Variants in CAND2 observed in about 807,000 individuals in gnomAD.
CAND2 encodes cullin associated and neddylation dissociated 2 (putative), also known as cullin-associated NEDD8-dissociated protein 2.
CAND2 carries 62 observed loss-of-function variants against 98.9 expected under a neutral mutation model. The ratio of observed to expected loss-of-function variants is 0.63; its 90% CI spans 0.51 to 0.77. The LOEUF (loss-of-function observed/expected upper bound fraction) is 0.77. Among genes scored for constraint, CAND2 ranks in the 30% least tolerant of loss-of-function variants. The pLI is 0.00. For synonymous variants in CAND2, 770 were observed against 731.9 expected (o/e 1.05, Z -0.84); for missense variants, 1,501 against 1,655.2 (o/e 0.91, Z 1.62).
chr3:12,812,959 CT>C (rs1229178705), intron 5 of CAND2, 30 bp from the exon 6 acceptor site: 1 of 1,417,488 alleles, frequency 7.1e-7, no homozygotes, highest in Non-Finnish European at 9.8e-7. Context: ...GAGTGTCTGG[CT>C]TGGGTTCAGT....
intron 10 of CAND2, among the ~76,000 whole-genome samples, chr3:12,819,885 C>T (rs1047590509): frequency 2.0e-5 from 3 of 152,166 alleles, no homozygotes; most frequent in Non-Finnish European, 4.4e-5. Flanking sequence ...GGCAGTCCTA[C>T]TGTTTCAGCT....
rs530843323 is a variant in CAND2, at chr3:12,814,686, C to T, written c.1007-455C>T. ...AACATCACATAGCCAAACCTGATGCCAAAAGATGAGTTTTGTGCCCCAAAT... is the reference window on the plus strand; with the variant it reads ...AACATCACATAGCCAAACCTGATGCTAAAAGATGAGTTTTGTGCCCCAAAT... On this transcript the variant is annotated intron_variant, in intron 7 of 14. Coordinates refer to ENST00000456430, the MANE Select transcript of CAND2 (RefSeq NM_001162499.2). Among the ~76,000 whole-genome samples, 3 of 152,200 alleles carry T rather than the reference C, an allele frequency of 2.0e-5. No homozygotes were observed. The South Asian group carries it at 6.2e-4, about 32-fold the overall frequency.
chr3:12,812,481 T>C (rs1358281385), intron 5 of CAND2, among the ~76,000 whole-genome samples: 1 of 134,794 alleles, frequency 7.4e-6, no homozygotes, highest in Non-Finnish European at 1.5e-5. Flanking sequence ...CTCGGCTCAC[T>C]GCAAGCTCCG....
At chr3:12,806,643 C>T (rs901432081) in intron 2 of CAND2, among the ~76,000 whole-genome samples, 1 of 152,212 alleles carries the variant, frequency 6.6e-6, no homozygotes, top group Non-Finnish European at 1.5e-5. Flanking sequence ...TTTTTAGAGG[C>T]CCAGGTGATG....
intron 1 of CAND2, among the ~76,000 whole-genome samples, chr3:12,800,544 C>T (rs572460043): frequency 1.1e-4 from 17 of 152,252 alleles, no homozygotes; most frequent in African/African-American, 1.4e-4. Flanking sequence ...CCTGAGACTC[C>T]GCTCTCACAT....
rs12631514 is a variant in CAND2 at position 12,796,794 on chromosome 3, G to C, written c.68+6G>C. On this transcript the variant is annotated splice_donor_region_variant and intron_variant, in intron 1 of 14. Coordinates refer to ENST00000456430, the MANE Select transcript of CAND2 (RefSeq NM_001162499.2). The stretch of plus-strand genomic sequence containing the variant: ...TCCAGCGACAAGGACTTCAGGTGCA[G>C]CCCGCCGCCGGCCCCCTTCTCTCCT... The C allele has an allele frequency of 0.51, 801,321 of 1,572,288 alleles. 208,726 individuals are homozygous for C. Among genetic ancestry groups the C allele is most frequent in the Non-Finnish European group, 0.54 (624,828 of 1,157,478 alleles).
At chr3:12,821,710 A>G in intron 11 of CAND2, among the ~76,000 whole-genome samples, 1 of 152,170 alleles carries the variant, frequency 6.6e-6, no homozygotes, top group East Asian at 1.9e-4. Flanking sequence ...ATCAGGCACC[A>G]CACTAGGCCC....
intron 13 of CAND2, among the ~76,000 whole-genome samples, chr3:12,828,569 T>C (rs1005352725): frequency 5.3e-5 from 8 of 152,160 alleles, no homozygotes; most frequent in African/African-American, 1.7e-4. Context: ...CTCGAACTCC[T>C]GACCTCAAGT....
chr3:12,818,981 A>G (rs1011297040), intron 10 of CAND2, among the ~76,000 whole-genome samples: 4 of 152,106 alleles, frequency 2.6e-5, no homozygotes, highest in East Asian at 1.9e-4. Flanking sequence ...ACCCGGTCAC[A>G]TTTCCTTTTT....
At position 12,833,369 on chromosome 3, in the gene CAND2, A is replaced by G. The variant is rs189434319; in HGVS notation, c.3484-386A>G. ...TCGCAGTGATCCATTCATTCAGTCT[A>G]GTCATATGGTGCTAAGAGCTGGTTT... On this transcript the variant is annotated intron_variant, in intron 14 of 14. Coordinates refer to ENST00000456430, the MANE Select transcript of CAND2 (RefSeq NM_001162499.2). Among the ~76,000 whole-genome samples, 18 of 152,308 alleles carry G rather than the reference A, an allele frequency of 1.2e-4. No homozygotes were observed. The East Asian group carries it at 2.5e-3, about 21-fold the overall frequency.
chr3:12,802,704 T>C (rs1248599533), intron 1 of CAND2, among the ~76,000 whole-genome samples: 2 of 152,336 alleles, frequency 1.3e-5, no homozygotes, highest in South Asian at 2.1e-4. Context: ...TCCACCATCA[T>C]GTGGCACTTA....
chr3:12,822,424 C>T (rs550160563), intron 11 of CAND2, among the ~76,000 whole-genome samples: 2 of 151,752 alleles, frequency 1.3e-5, no homozygotes, highest in South Asian at 2.1e-4. Context: ...TCCCAAGTAG[C>T]TGGGATTACA....
At chr3:12,810,360 G>C in intron 5 of CAND2, 36 bp downstream of exon 5, 3 of 1,401,862 alleles carry the variant, frequency 2.1e-6, no homozygotes, top group Middle Eastern at 2.6e-4. Context: ...GGCTGGCATG[G>C]TGGGCGGAGC....
At chr3:12,819,369 T>G (rs958419507) in intron 10 of CAND2, among the ~76,000 whole-genome samples, 5 of 152,136 alleles carry the variant, frequency 3.3e-5, no homozygotes, top group African/African-American at 1.2e-4. Flanking sequence ...GTGCTGGGGT[T>G]GGGCAGGGAG....
chr3:12,808,956 C>A (rs1246388959), intron 4 of CAND2, among the ~76,000 whole-genome samples: 1 of 152,044 alleles, frequency 6.6e-6, no homozygotes, highest in South Asian at 2.1e-4. Flanking sequence ...GGCCAGGAGC[C>A]ATGGGGCAGG....
Position 12,817,076 on chromosome 3 carries a change from T to C in CAND2, c.2144T>C (p.Val715Ala), listed in dbSNP as rs577324477. ...GACATGCATGTGGCCCAGCTGGCTG[T>C]GGACTTCCTTGCCACAGTGACCCAG... is the stretch of plus-strand genomic sequence containing the variant. ...ESDMHVAQLA[V>A]DFLATVTQAQ... Residue 715 changes from valine to alanine, a missense_variant, in exon 10 of 15, where the codon GTG becomes GCG. Physicochemically the swap from Val to Ala is moderately conservative, Grantham distance 64. Coordinates refer to ENST00000456430, the MANE Select transcript of CAND2 (RefSeq NM_001162499.2). The C allele has an allele frequency of 6.8e-6, 11 of 1,612,914 alleles. No individual in the cohort carries two copies. In the East Asian group the frequency reaches 2.5e-4, roughly 36 times the overall value.
intron 14 of CAND2, 41 bp downstream of exon 14, chr3:12,831,613 C>G: frequency 7.3e-7 from 1 of 1,368,472 alleles, no homozygotes; most frequent in African/African-American, 1.4e-5. Context: ...CCTGGAGCAC[C>G]TATGGAGTCC....
chr3:12,809,030 T>C (rs2061829324), intron 4 of CAND2, among the ~76,000 whole-genome samples: 1 of 152,070 alleles, frequency 6.6e-6, no homozygotes, highest in Non-Finnish European at 1.5e-5. Context: ...TGGGAGGGGA[T>C]TGAACAGGCA....
In CAND2 at chr3:12,831,468, C is replaced by T; in HGVS notation, c.3379C>T (p.Leu1127=). 6.2e-7 allele frequency: 1 copy of T among 1,613,538 alleles called. No individual in the cohort carries two copies. The highest frequency in any genetic ancestry group is 8.5e-7 in the Non-Finnish European group (1 of 1,179,524). ...GLKDHYDIRM[L]TFIMVARLAT... The stretch of plus-strand genomic sequence containing the variant: ...ACCATCTCCTTCCTCTGGGCAGATG[C>T]TGACCTTCATCATGGTTGCCCGGCT... Residue 1127 remains leucine (L), a synonymous_variant, in exon 14 of 15, where the codon CTG becomes TTG. Coordinates refer to ENST00000456430, the MANE Select transcript of CAND2 (RefSeq NM_001162499.2).
Sources: gnomAD v4.1 joint callset for allele counts (sites outside exome capture counted in the v4.1 genomes callset) on GRCh38, gnomAD v4.1.1 for gene constraint, MANE v1.5 for transcripts, NCBI Gene and HGNC (gene_info 2026-07-23, HGNC 2026-07-21) for gene names.